The following LGSN variants were observed in gnomAD, a reference collection of about 807,000 sequenced individuals.
The protein encoded by LGSN is lengsin.
In LGSN, 21 loss-of-function variants were observed where a neutral mutation model predicts 19.5. The observed-to-expected ratio is 1.07, with a 90% CI of 0.76 to 1.55. The LOEUF (loss-of-function observed/expected upper bound fraction) is 1.55. Among genes scored for constraint, LGSN ranks in the 40% most tolerant of loss-of-function variants. The pLI, the probability that LGSN is intolerant of heterozygous loss-of-function variation, is 0.00. For missense variants in LGSN, 673 were observed against 608.5 expected, an observed-to-expected ratio of 1.11 and a Z score of -1.12; for synonymous variants, 257 against 215.6, an observed-to-expected ratio of 1.19 and a Z score of -1.68.
At chr6:63,402,395 C>G in the LGSN span, among the ~76,000 whole-genome samples, 1 of 149,204 alleles carries the variant, frequency 6.7e-6, no homozygotes, top group African/African-American at 2.6e-5. Flanking sequence ...AGAACTTGAC[C>G]ATGACATCCA....
the LGSN span, among the ~76,000 whole-genome samples, chr6:63,399,553 C>T: frequency 6.6e-6 from 1 of 151,802 alleles, no homozygotes; most frequent in Non-Finnish European, 1.5e-5. Context: ...TGCCACCATG[C>T]CTGGCTAATT....
At chr6:63,286,151 C>A (rs948973789) in intron 2 of LGSN, among the ~76,000 whole-genome samples, 6 of 152,178 alleles carry the variant, frequency 3.9e-5, no homozygotes, top group African/African-American at 1.2e-4. Flanking sequence ...GCTTCTTGAA[C>A]TAACTGTTAA....
At chr6:63,454,145 G>A in the LGSN span, among the ~76,000 whole-genome samples, 1 of 152,002 alleles carries the variant, frequency 6.6e-6, no homozygotes, top group Admixed American at 6.6e-5. Flanking sequence ...AATATTTTTA[G>A]TGTCTTTTTT....
At chr6:63,456,377 A>ACTT in the LGSN span, among the ~76,000 whole-genome samples, 1 of 37,922 alleles carries the variant, frequency 2.6e-5, no homozygotes, top group African/African-American at 5.6e-5. Flanking sequence ...ATATATATAT[A>ACTT]TATATATATA....
the LGSN span, chr6:63,441,066 A>T: frequency 5.9e-6 from 1 of 168,828 alleles, no homozygotes; most frequent in Admixed American, 6.4e-5. Flanking sequence ...AAAATTTGCC[A>T]GGCGTGGTGG....
chr6:63,379,312 T>G, the LGSN span, among the ~76,000 whole-genome samples: 1 of 152,158 alleles, frequency 6.6e-6, no homozygotes, highest in East Asian at 1.9e-4. Flanking sequence ...GCCTGAGCTT[T>G]GAAAACGAGG....
the LGSN span, among the ~76,000 whole-genome samples, chr6:63,454,155 T>C: frequency 2.6e-5 from 4 of 152,222 alleles, no homozygotes; most frequent in Admixed American, 2.6e-4. Flanking sequence ...GTGTCTTTTT[T>C]ATTCATTTAC....
chr6:63,388,929 C>A, the LGSN span, among the ~76,000 whole-genome samples: 1 of 152,092 alleles, frequency 6.6e-6, no homozygotes, highest in Non-Finnish European at 1.5e-5. Flanking sequence ...CATGTACAGT[C>A]ACTCAAAAAT....
upstream of LGSN, among the ~76,000 whole-genome samples, chr6:63,321,326 A>G (rs966872094): frequency 6.6e-6 from 1 of 152,176 alleles, no homozygotes; most frequent in Non-Finnish European, 1.5e-5. Context: ...TTTGTGAAAA[A>G]TTTCGTTTTT....
the LGSN span, among the ~76,000 whole-genome samples, chr6:63,328,908 C>T: frequency 2.0e-4 from 31 of 152,148 alleles, no homozygotes; most frequent in African/African-American, 7.2e-4. Context: ...CCAAGGAACC[C>T]CTTCAACTGT....
chr6:63,481,727 G>A, the LGSN span: 2 of 201,434 alleles, frequency 9.9e-6, no homozygotes, highest in Non-Finnish European at 2.0e-5. Context: ...TTAGTCTGGG[G>A]CTCCTCTCAA....
the LGSN span, among the ~76,000 whole-genome samples, chr6:63,496,812 G>A: frequency 6.6e-5 from 10 of 151,966 alleles, no homozygotes; most frequent in East Asian, 1.7e-3. Context: ...CTTTATAGAT[G>A]AAATGCAAAT....
intron 1 of LGSN, among the ~76,000 whole-genome samples, chr6:63,302,685 A>G (rs1768230782): frequency 6.6e-6 from 1 of 152,206 alleles, no homozygotes; most frequent in Admixed American, 6.5e-5. Context: ...GCCTACAATA[A>G]CCCATTTGAT....
the LGSN span, among the ~76,000 whole-genome samples, chr6:63,558,130 A>C: frequency 6.6e-6 from 1 of 152,172 alleles, no homozygotes; most frequent in Non-Finnish European, 1.5e-5. Context: ...TCGGCCTCCC[A>C]AAGTGCTGGG....
At chr6:63,424,438 G>GA in the LGSN span, among the ~76,000 whole-genome samples, 58 of 149,982 alleles carry the variant, frequency 3.9e-4, no homozygotes, top group African/African-American at 1.4e-3. Context: ...ATATCTTCCA[G>GA]AAAATCAAAG....
chr6:63,280,082 T>C lies in LGSN; in HGVS notation c.1469A>G (p.Tyr490Cys), dbSNP rs1767229839. 6.2e-7 allele frequency: 1 copy of C among 1,613,700 alleles called. No homozygotes were observed. The change falls in exon 4 of 4, where the codon TAT becomes TGT. Residue 490 changes from tyrosine to cysteine, a missense_variant. Physicochemically the swap from Tyr to Cys is radical, Grantham distance 194. Transcript: ENST00000370657. ...FIRYFVAMKK[Y>C]ELENEEIAAE... ...AGCTATTTCTTCATTCTCCAACTCA[T>C]ATTTCTTCATGGCAACAAAATATCG...
the LGSN span, among the ~76,000 whole-genome samples, chr6:63,366,727 G>C: frequency 6.6e-6 from 1 of 152,114 alleles, no homozygotes; most frequent in African/African-American, 2.4e-5. Context: ...GCATGGTACT[G>C]GTAGCAAAAC....
the LGSN span, among the ~76,000 whole-genome samples, chr6:63,357,702 G>A: frequency 2.0e-4 from 31 of 152,216 alleles, no homozygotes; most frequent in African/African-American, 7.5e-4. Flanking sequence ...TTGTAAATTT[G>A]TTTGAGTTCA....
At chr6:63,493,967 T>TG in the LGSN span, among the ~76,000 whole-genome samples, 1,033 of 151,248 alleles carry the variant, frequency 6.8e-3, 17 homozygotes, top group African/African-American at 0.023. Flanking sequence ...TTTTTTTTTT[T>TG]GAGACGGAGT....
Sources: gnomAD v4.1 joint callset for allele counts (sites outside exome capture counted in the v4.1 genomes callset) on GRCh38, gnomAD v4.1.1 for gene constraint, MANE v1.5 for transcripts, NCBI Gene and HGNC (gene_info 2026-07-23, HGNC 2026-07-21) for gene names.